FGFR1OP2: variants seen among roughly 807,000 people sequenced by gnomAD.
FGFR1OP2 encodes FGFR1 oncogene partner 2.
A neutral mutation model predicts 35.2 loss-of-function variants in FGFR1OP2; 17 were observed. The ratio of observed to expected loss-of-function variants is 0.48; its 90% CI spans 0.33 to 0.73. The LOEUF is 0.73. FGFR1OP2 is among the 30% of genes least tolerant of loss of function. The pLI is 0.02. For missense variants in FGFR1OP2, 251 were observed against 307.3 expected (o/e 0.82, Z 1.37); for synonymous variants, 105 against 104.6 (o/e 1.00, Z -0.03).
chr12:26,961,500 G>A (rs896253673), intron 5 of FGFR1OP2: 7 of 152,136 alleles, frequency 4.6e-5, no homozygotes, highest in African/African-American at 1.2e-4. Flanking sequence ...TAATTGGGAG[G>A]CTGAGGTGGG....
intron 1 of FGFR1OP2, among the ~76,000 whole-genome samples, chr12:26,946,125 G>C (rs1482406308): frequency 6.6e-6 from 1 of 152,168 alleles, no homozygotes; most frequent in Non-Finnish European, 1.5e-5. Context: ...TTTTTCAGCA[G>C]TAAGGGTGGA....
At chr12:26,950,623 A>T (rs2136352883) in intron 1 of FGFR1OP2, among the ~76,000 whole-genome samples, 1 of 152,308 alleles carries the variant, frequency 6.6e-6, no homozygotes, top group Non-Finnish European at 1.5e-5. Flanking sequence ...CTATTCATGT[A>T]TATATTTACT....
At position 26,965,620 on chromosome 12, in the gene FGFR1OP2, C is replaced by T. The variant is rs1342676792; in HGVS notation, c.*887C>T. 1 of 148,034 alleles carries T rather than the reference C, an allele frequency of 6.8e-6. No homozygotes were observed. 9.2% of individuals were successfully genotyped at this position (148,034 alleles called of 1,614,324 possible). ...AAGTGAATTGGGAATTCCTCTGGCT[C>T]ATAGAACCCTTTTTTTTTTCCTTTA... is the stretch of plus-strand genomic sequence containing the variant. On this transcript the variant is annotated 3_prime_UTR_variant, in exon 7 of 7. Transcript: ENST00000229395.
intron 4 of FGFR1OP2, 166 bp downstream of exon 4, chr12:26,957,909 C>T (rs1413395600): frequency 9.3e-6 from 5 of 540,172 alleles, no homozygotes; most frequent in Non-Finnish European, 1.2e-5. Context: ...TCTTATTTTT[C>T]CATTTCTTGT....
intron 1 of FGFR1OP2, among the ~76,000 whole-genome samples, chr12:26,941,314 C>G (rs1938730899): frequency 6.6e-6 from 1 of 152,002 alleles, no homozygotes; most frequent in South Asian, 2.1e-4. Context: ...CACTCCACTT[C>G]CTGGCCAAAA....
chr12:26,964,332 A>G (rs1213745571), intron 6 of FGFR1OP2, among the ~76,000 whole-genome samples: 1 of 152,138 alleles, frequency 6.6e-6, no homozygotes, highest in Non-Finnish European at 1.5e-5. Flanking sequence ...AAATAAGGCA[A>G]TTTCTGAGCT....
In FGFR1OP2 at chr12:26,965,070, A is replaced by C. The variant is rs1939156540; in HGVS notation, c.*337A>C. On this transcript the variant is annotated 3_prime_UTR_variant, in exon 7 of 7. Coordinates refer to ENST00000229395, the MANE Select transcript of FGFR1OP2 (RefSeq NM_015633.3). ...TCCCAGTAAATGTTTGAGAATGCAT[A>C]AAATTATACCAATTTAAAAATATAA... 5.5e-6 allele frequency: 1 copy of C among 182,302 alleles called. No homozygotes were observed. Among genetic ancestry groups the C allele is most frequent in the African/African-American group, 2.3e-5 (1 of 42,708 alleles). 11.3% of individuals were successfully genotyped at this position (182,302 alleles called of 1,614,324 possible).
chr12:26,954,723 T>C (rs1938991705), intron 2 of FGFR1OP2, among the ~76,000 whole-genome samples: 1 of 152,220 alleles, frequency 6.6e-6, no homozygotes, highest in South Asian at 2.1e-4. Flanking sequence ...ATATGTGATT[T>C]ATACTCTGTG....
intron 5 of FGFR1OP2, chr12:26,962,992 C>T (rs370588732): frequency 5.0e-5 from 8 of 160,024 alleles, no homozygotes; most frequent in South Asian, 3.8e-4. Flanking sequence ...AGATTGAATG[C>T]GTCGGCAATT....
intron 1 of FGFR1OP2, among the ~76,000 whole-genome samples, chr12:26,941,081 T>C (rs970425006): frequency 4.0e-5 from 6 of 148,582 alleles, no homozygotes; most frequent in Non-Finnish European, 8.9e-5. Flanking sequence ...ATGTGACTAA[T>C]GCAGAAAAGA....
chr12:26,955,016 A>G (rs1938995860), intron 2 of FGFR1OP2, among the ~76,000 whole-genome samples: 3 of 152,194 alleles, frequency 2.0e-5, no homozygotes, highest in Admixed American at 1.3e-4. Context: ...CTGGGATAGT[A>G]TTTTTAACAA....
At chr12:26,952,676 T>G (rs1305361097) in intron 1 of FGFR1OP2, among the ~76,000 whole-genome samples, 2 of 104,868 alleles carry the variant, frequency 1.9e-5, no homozygotes, top group East Asian at 4.2e-4. Flanking sequence ...TACTTGTTGC[T>G]TTTTTTTTTT....
intron 2 of FGFR1OP2, among the ~76,000 whole-genome samples, chr12:26,954,967 A>G (rs1938995111): frequency 6.6e-6 from 1 of 152,250 alleles, no homozygotes; most frequent in Non-Finnish European, 1.5e-5. Context: ...GTATATTCAC[A>G]GCCAAATCTC....
intron 1 of FGFR1OP2, among the ~76,000 whole-genome samples, chr12:26,944,296 T>C (rs546180998): frequency 6.6e-6 from 1 of 152,354 alleles, no homozygotes; most frequent in African/African-American, 2.4e-5. Context: ...TACACCAATG[T>C]ATTGAACAGG....
intron 6 of FGFR1OP2, among the ~76,000 whole-genome samples, chr12:26,964,173 T>C (rs1939141101): frequency 6.6e-6 from 1 of 152,106 alleles, no homozygotes; most frequent in Non-Finnish European, 1.5e-5. Flanking sequence ...CAAATGCCAA[T>C]GAGCTAAACT....
intron 1 of FGFR1OP2, among the ~76,000 whole-genome samples, chr12:26,946,222 C>T (rs1348449199): frequency 2.6e-5 from 4 of 152,170 alleles, no homozygotes; most frequent in Admixed American, 6.5e-5. Context: ...ATTTAGGATG[C>T]TTATGTCTTC....
intron 1 of FGFR1OP2, among the ~76,000 whole-genome samples, chr12:26,944,373 T>C (rs1001875569): frequency 6.6e-6 from 1 of 152,236 alleles, no homozygotes; most frequent in East Asian, 1.9e-4. Context: ...TCATTCATTA[T>C]GAAGTATGAC....
Position 26,960,510 on chromosome 12 carries a change from T to G in FGFR1OP2, c.397-5T>G, listed in dbSNP as rs758553584. On this transcript the variant is annotated splice_region_variant and splice_polypyrimidine_tract_variant and intron_variant, in intron 4 of 6. Coordinates refer to ENST00000229395, the MANE Select transcript of FGFR1OP2 (RefSeq NM_015633.3). ...TATTAACATTATAATGACTCTATAC[T>G]ACAGATTGACATGGTACATCGTAAC... The G allele has an allele frequency of 6.2e-7, 1 of 1,606,898 alleles. No individual in the cohort carries two copies. The highest frequency in any genetic ancestry group is 1.3e-5 in the African/African-American group (1 of 74,814).
At chr12:26,939,764 C>T (rs1938691152) in intron 1 of FGFR1OP2, among the ~76,000 whole-genome samples, 1 of 152,164 alleles carries the variant, frequency 6.6e-6, no homozygotes, top group Admixed American at 6.5e-5. Context: ...TCATGTCTTA[C>T]TCATCTCTGA....
Sources: gnomAD v4.1 joint callset for allele counts (sites outside exome capture counted in the v4.1 genomes callset) on GRCh38, gnomAD v4.1.1 for gene constraint, MANE v1.5 for transcripts, NCBI Gene and HGNC (gene_info 2026-07-23, HGNC 2026-07-21) for gene names.